TJP1: variants seen among roughly 807,000 people sequenced by gnomAD.
TJP1 encodes tight junction protein ZO-1.
A neutral mutation model predicts 194.2 loss-of-function variants in TJP1; 43 were observed. That is an observed-to-expected ratio of 0.22 (90% confidence interval 0.17 to 0.29). TJP1 has a LOEUF of 0.29. Among genes scored for constraint, TJP1 ranks in the 10% least tolerant of loss-of-function variants. TJP1 has a pLI of 1.00. For synonymous variants in TJP1, 801 were observed against 779.0 expected, an observed-to-expected ratio of 1.03 and a Z score of -0.47; for missense variants, 1,971 against 2,185.7, an observed-to-expected ratio of 0.90 and a Z score of 1.96.
At chr15:29,833,882 T>TATATATATATATATATATATA (rs67819417) in intron 2 of TJP1, among the ~76,000 whole-genome samples, 1 of 7,972 alleles carries the variant, frequency 1.3e-4, no homozygotes, top group Non-Finnish European at 2.4e-4. Context: ...TATATATATA[T>TATATATATATATATATATATA]TTTTTTTTTT....
intron 15 of TJP1, 100 bp downstream of exon 15, chr15:29,732,332 CT>C: frequency 9.5e-7 from 1 of 1,056,846 alleles, no homozygotes. Context: ...TAATTTTTCA[CT>C]GACAAAAAGT....
intron 2 of TJP1, among the ~76,000 whole-genome samples, chr15:29,908,582 G>A (rs62014492): frequency 0.24 from 36,112 of 152,190 alleles, 5,214 homozygotes; most frequent in Middle Eastern, 0.35. Flanking sequence ...ATATTAAGTG[G>A]CCATCTGTTT....
intron 15 of TJP1, chr15:29,731,080 T>C (rs1842422): frequency 0.57 from 278,192 of 485,158 alleles, 39,551 homozygotes; most frequent in Admixed American, 0.63. Flanking sequence ...TTTGTTTTAC[T>C]TTTTTTTTTT....
intron 2 of TJP1, among the ~76,000 whole-genome samples, chr15:29,930,228 A>G (rs1029961054): frequency 6.6e-6 from 1 of 152,216 alleles, no homozygotes; most frequent in African/African-American, 2.4e-5. Flanking sequence ...AGAAAAAGAA[A>G]TTATTCCCAA....
At chr15:29,766,889 T>C (rs571670270) in intron 4 of TJP1, among the ~76,000 whole-genome samples, 9 of 152,168 alleles carry the variant, frequency 5.9e-5, no homozygotes, top group Non-Finnish European at 2.9e-5. Flanking sequence ...TGTACTCTAA[T>C]GCCATCAAAT....
chr15:29,908,505 C>T (rs2053903015), intron 2 of TJP1, among the ~76,000 whole-genome samples: 1 of 152,162 alleles, frequency 6.6e-6, no homozygotes, highest in South Asian at 2.1e-4. Context: ...CTACAGTAGC[C>T]ACCACTGATG....
chr15:29,819,608 C>G (rs1313614608), intron 1 of TJP1, among the ~76,000 whole-genome samples: 4 of 152,116 alleles, frequency 2.6e-5, no homozygotes, highest in Admixed American at 2.6e-4. Flanking sequence ...CTTCTTTTTC[C>G]AAAATTTTGT....
intron 2 of TJP1, among the ~76,000 whole-genome samples, chr15:29,783,645 C>A (rs182651608): frequency 6.6e-6 from 1 of 152,318 alleles, no homozygotes; most frequent in East Asian, 1.9e-4. Context: ...AGAATAAGAT[C>A]ATGTCCTTTG....
chr15:29,810,965 A>T (rs2049455196), intron 1 of TJP1, among the ~76,000 whole-genome samples: 1 of 152,224 alleles, frequency 6.6e-6, no homozygotes. Flanking sequence ...ACAGTCTAGC[A>T]GGAGAACCAA....
At chr15:29,801,519 T>C (rs2048783320) in intron 1 of TJP1, among the ~76,000 whole-genome samples, 1 of 149,690 alleles carries the variant, frequency 6.7e-6, no homozygotes, top group South Asian at 2.1e-4. Context: ...TGGAGTGCAG[T>C]GGCGGGATCT....
intron 2 of TJP1, among the ~76,000 whole-genome samples, chr15:29,845,662 G>A (rs553753691): frequency 3.3e-5 from 5 of 152,024 alleles, no homozygotes; most frequent in African/African-American, 9.7e-5. Context: ...AAAATTAGCC[G>A]GGCGTGGTGG....
chr15:29,908,307 G>C (rs1297428162), intron 2 of TJP1, among the ~76,000 whole-genome samples: 1 of 152,130 alleles, frequency 6.6e-6, no homozygotes, highest in Non-Finnish European at 1.5e-5. Context: ...CAGAAGACTT[G>C]AGAAAGTGTA....
At chr15:29,861,293 A>C (rs1365810834) in intron 2 of TJP1, among the ~76,000 whole-genome samples, 1 of 152,180 alleles carries the variant, frequency 6.6e-6, no homozygotes, top group Non-Finnish European at 1.5e-5. Flanking sequence ...ATTTCTCTAC[A>C]TTCTTGCCAG....
intron 8 of TJP1, among the ~76,000 whole-genome samples, chr15:29,745,971 G>A (rs1025828317): frequency 2.0e-5 from 3 of 152,216 alleles, no homozygotes; most frequent in African/African-American, 2.4e-5. Flanking sequence ...TGAACTGGGG[G>A]TGAAGTGGAG....
chr15:29,931,926 T>G (rs2054727969), intron 2 of TJP1, among the ~76,000 whole-genome samples: 1 of 152,224 alleles, frequency 6.6e-6, no homozygotes, highest in Non-Finnish European at 1.5e-5. Context: ...CCATGTAGGG[T>G]AACTTCCTGA....
chr15:29,774,649 G>A (rs1229522695), intron 2 of TJP1, among the ~76,000 whole-genome samples: 2 of 151,650 alleles, frequency 1.3e-5, no homozygotes, highest in Non-Finnish European at 2.9e-5. Flanking sequence ...TTTTTCCCCA[G>A]TAATGAAAAT....
At chr15:29,725,371 T>TG (rs2043177584) in intron 18 of TJP1, among the ~76,000 whole-genome samples, 4 of 152,106 alleles carry the variant, frequency 2.6e-5, no homozygotes, top group Admixed American at 2.6e-4. Flanking sequence ...GTAGAGGACA[T>TG]GGGGGGTCCT....
At chr15:29,836,507 G>A (rs1015620446) in intron 2 of TJP1, among the ~76,000 whole-genome samples, 7 of 151,978 alleles carry the variant, frequency 4.6e-5, no homozygotes, top group Non-Finnish European at 1.0e-4. Context: ...TCCTGACCTC[G>A]TGAACCACCT....
chr15:29,784,329 C>T (rs4371108), intron 2 of TJP1, among the ~76,000 whole-genome samples: 2,553 of 151,850 alleles, frequency 0.017, 30 homozygotes, highest in South Asian at 0.028. Flanking sequence ...GACAGAGTTT[C>T]GCTCTTCTCC....
Sources: allele counts gnomAD v4.1 joint callset (sites outside exome capture counted in the v4.1 genomes callset), GRCh38; gene constraint gnomAD v4.1.1; transcripts MANE v1.5; gene names NCBI Gene and HGNC (gene_info 2026-07-23, HGNC 2026-07-21).